ABLIM3: variants seen among roughly 807,000 people sequenced by gnomAD.
The protein encoded by ABLIM3 is actin binding LIM protein family member 3, also known as actin-binding LIM protein 3.
Under a neutral mutation model 109.5 loss-of-function variants are expected in ABLIM3, and 61 were observed. The observed-to-expected ratio is 0.56, with a 90% CI of 0.45 to 0.69. ABLIM3 has a LOEUF of 0.69. Among genes scored for constraint, ABLIM3 ranks in the 30% least tolerant of loss-of-function variants. The pLI is 0.00. For missense variants in ABLIM3, 796 were observed against 889.5 expected (o/e 0.89, Z 1.34); for synonymous variants, 300 against 324.8 (o/e 0.92, Z 0.82).
intron 5 of ABLIM3, among the ~76,000 whole-genome samples, chr5:149,203,433 C>A (rs2127502775): frequency 6.6e-6 from 1 of 152,080 alleles, no homozygotes; most frequent in East Asian, 1.9e-4. Flanking sequence ...CTGCTACCAC[C>A]ATCATCACCA....
At chr5:149,222,562 G>A (rs893620021) in intron 8 of ABLIM3, among the ~76,000 whole-genome samples, 4 of 151,754 alleles carry the variant, frequency 2.6e-5, no homozygotes, top group Non-Finnish European at 5.9e-5. Context: ...ACTTGGTTCT[G>A]TGTTAACACA....
chr5:149,162,570 T>C (rs1754469337), intron 2 of ABLIM3, among the ~76,000 whole-genome samples: 1 of 152,180 alleles, frequency 6.6e-6, no homozygotes, highest in African/African-American at 2.4e-5. Flanking sequence ...AAGAAACCTT[T>C]CATCATGCCC....
intron 2 of ABLIM3, among the ~76,000 whole-genome samples, chr5:149,173,565 A>C (rs1755639001): frequency 6.6e-6 from 1 of 152,120 alleles, no homozygotes. Context: ...AGCTTCCCTG[A>C]GGTGGGATGG....
In ABLIM3 at chr5:149,245,093, C is replaced by T. The variant is rs1042469877; in HGVS notation, c.1486+78C>T. Reference sequence around the variant, plus strand: ...CACGGGTGTTCAGAACAGTTGCCCACTCCTTTATACAATCATTCTGAATAA... The same window carrying T: ...CACGGGTGTTCAGAACAGTTGCCCATTCCTTTATACAATCATTCTGAATAA... On this transcript the variant is annotated intron_variant, in intron 16 of 23. Transcript: ENST00000309868. 1.9e-5 allele frequency: 29 copies of T among 1,554,504 alleles called. No individual in the cohort carries two copies. In the East Asian group the frequency reaches 2.3e-4, roughly 12 times the overall value.
intron 14 of ABLIM3, 128 bp downstream of exon 14, chr5:149,240,902 C>T: frequency 1.3e-6 from 1 of 791,314 alleles, no homozygotes; most frequent in African/African-American, 1.7e-5. Flanking sequence ...CCTAACCAAG[C>T]ACCTGCACCA....
At chr5:149,240,605 C>T in intron 13 of ABLIM3, 71 bp from the exon 14 acceptor site, 2 of 1,255,384 alleles carry the variant, frequency 1.6e-6, no homozygotes, top group East Asian at 2.3e-5. Context: ...ACTTCCTAAA[C>T]TGCCACCGCG....
At chr5:149,243,973 C>T (rs1190252516) in intron 15 of ABLIM3, 1 of 152,342 alleles carries the variant, frequency 6.6e-6, no homozygotes, top group Admixed American at 6.5e-5. Flanking sequence ...GGCTGCATAG[C>T]CCAGGGCTGG....
chr5:149,174,341 C>T (rs1421895199), intron 2 of ABLIM3, among the ~76,000 whole-genome samples: 1 of 152,078 alleles, frequency 6.6e-6, no homozygotes, highest in East Asian at 1.9e-4. Context: ...CTGATACTTC[C>T]CTGCCATGTT....
chr5:149,246,620 C>T, intron 17 of ABLIM3, 74 bp downstream of exon 17: 4 of 1,479,944 alleles, frequency 2.7e-6, no homozygotes, highest in Middle Eastern at 1.9e-4. Flanking sequence ...TTACAAGCAA[C>T]AAAAAACAGA....
intron 6 of ABLIM3, among the ~76,000 whole-genome samples, chr5:149,209,375 G>A (rs925005836): frequency 2.6e-5 from 4 of 152,308 alleles, no homozygotes; most frequent in South Asian, 2.1e-4. Context: ...GGATAGAAGC[G>A]CAGCCTATGT....
chr5:149,259,081 G>C lies in ABLIM3; in HGVS notation c.*677G>C, dbSNP rs1754692322. 9.9e-7 allele frequency: 1 copy of C among 1,007,258 alleles called. No individual in the cohort carries two copies. Among genetic ancestry groups the C allele is most frequent in the Admixed American group, 5.3e-5 (1 of 18,832 alleles). 62.4% of individuals were successfully genotyped at this position (1,007,258 alleles called of 1,614,324 possible). A position where few individuals can be genotyped will look rare whatever the true frequency, so the allele number is the denominator to read the frequency against. On this transcript the variant is annotated 3_prime_UTR_variant, in exon 24 of 24. Coordinates refer to ENST00000309868, the MANE Select transcript of ABLIM3 (RefSeq NM_014945.5). ...AATCTAGGATTCCTGGTAGGAAAAGGAAAAGGCCCTTCCCTTCCCTCCACC... is the reference window on the plus strand; with the variant it reads ...AATCTAGGATTCCTGGTAGGAAAAGCAAAAGGCCCTTCCCTTCCCTCCACC...
At chr5:149,213,847 T>C (rs1759797064) in intron 7 of ABLIM3, among the ~76,000 whole-genome samples, 1 of 152,170 alleles carries the variant, frequency 6.6e-6, no homozygotes, top group South Asian at 2.1e-4. Context: ...AAGAGACTTT[T>C]AGCAATCAAC....
intron 9 of ABLIM3, among the ~76,000 whole-genome samples, chr5:149,232,494 C>T (rs1467794984): frequency 1.3e-5 from 2 of 152,136 alleles, no homozygotes; most frequent in Admixed American, 6.5e-5. Context: ...GTTCACAGTC[C>T]ACAATTTAGG....
chr5:149,163,164 G>C, intron 2 of ABLIM3, among the ~76,000 whole-genome samples: 1 of 152,150 alleles, frequency 6.6e-6, no homozygotes, highest in Non-Finnish European at 1.5e-5. Context: ...TGGGAGTCCG[G>C]GTTAAGCATC....
At chr5:149,162,814 G>A (rs1474226351) in intron 2 of ABLIM3, among the ~76,000 whole-genome samples, 12 of 152,214 alleles carry the variant, frequency 7.9e-5, no homozygotes, top group Admixed American at 7.9e-4. Context: ...CCTGACCAGG[G>A]CAGTGGGGCA....
In ABLIM3 at chr5:149,237,527, G is replaced by A. The variant is rs149749871; in HGVS notation, c.968G>A (p.Arg323His). Residue 323 changes from arginine (R) to histidine (H), a missense_variant, in exon 11 of 24, where the codon CGC (arginine) becomes CAC (histidine). Coordinates refer to ENST00000309868, the MANE Select transcript of ABLIM3 (RefSeq NM_014945.5). ...PKVKSIYEVQ[R>H]PDLISYEPHS... ...GTTAAGTCTATCTACGAGGTACAAC[G>A]CCCCGACCTCATTTCCTATGAGCCT... 1.5e-5 allele frequency: 25 copies of A among 1,613,968 alleles called. No individual in the cohort carries two copies. The highest frequency in any genetic ancestry group is 1.2e-4 in the African/African-American group (9 of 74,866).
At chr5:149,200,575 G>C (rs1758400689) in intron 5 of ABLIM3, 147 bp downstream of exon 5, 2 of 723,858 alleles carry the variant, frequency 2.8e-6, no homozygotes, top group Middle Eastern at 7.7e-4. Context: ...GACCCCATTG[G>C]CATGTGGCCC....
chr5:149,216,814 G>A (rs1271683936), intron 7 of ABLIM3, 145 bp from the exon 8 acceptor site: 8 of 665,102 alleles, frequency 1.2e-5, no homozygotes, highest in Non-Finnish European at 2.1e-5. Flanking sequence ...AGATGGTTGT[G>A]GACTCCCTTG....
chr5:149,244,990 C>T lies in ABLIM3; in HGVS notation c.1461C>T (p.Tyr487=). The T allele has an allele frequency of 1.2e-6, 2 of 1,614,194 alleles. No homozygotes were observed. The highest frequency in any genetic ancestry group is 4.5e-5 in the East Asian group (2 of 44,884). The change falls in exon 16 of 24, where the codon TAC becomes TAT. Residue 487 remains tyrosine, a synonymous_variant. Coordinates refer to ENST00000309868, the MANE Select transcript of ABLIM3 (RefSeq NM_014945.5). The part of the protein sequence containing the change: ...PDPYYASESE[Y]WTYHGSPKVP... ...CCTACTATGCTTCGGAGTCTGAGTA[C>T]TGGACCTACCATGGGTCCCCCAAAG...
Sources: allele counts gnomAD v4.1 joint callset (sites outside exome capture counted in the v4.1 genomes callset), GRCh38; gene constraint gnomAD v4.1.1; transcripts MANE v1.5; gene names NCBI Gene and HGNC (gene_info 2026-07-23, HGNC 2026-07-21).